DOCK3: variants seen among roughly 807,000 people sequenced by gnomAD.
DOCK3 encodes the protein dedicator of cytokinesis protein 3.
In DOCK3, 60 loss-of-function variants were observed where a neutral mutation model predicts 265.6. The ratio of observed to expected loss-of-function variants is 0.23; its 90% confidence interval spans 0.18 to 0.28. DOCK3 has a LOEUF of 0.28. DOCK3 is among the 10% of genes least tolerant of loss of function. DOCK3 has a pLI of 1.00. For synonymous variants in DOCK3, 881 were observed against 938.0 expected (o/e 0.94, Z 1.11); for missense variants, 1,981 against 2,594.3 (o/e 0.76, Z 5.14).
chr3:51,379,382 C>T, intron 51 of DOCK3: 1 of 984,112 alleles, frequency 1.0e-6, no homozygotes, highest in Non-Finnish European at 1.2e-6. Flanking sequence ...AAGCCACAAG[C>T]TGTACTTCTC....
At chr3:51,115,941 A>G (rs906376021) in intron 9 of DOCK3, among the ~76,000 whole-genome samples, 4 of 152,104 alleles carry the variant, frequency 2.6e-5, no homozygotes, top group African/African-American at 9.7e-5. Flanking sequence ...TTTGTCAAAG[A>G]TCAGATGGTT....
chr3:50,787,665 T>C, intron 2 of DOCK3: 1 of 1,315,276 alleles, frequency 7.6e-7, no homozygotes, highest in Non-Finnish European at 1.1e-6. Context: ...CTCTTGTAGT[T>C]CTGGGAGTAG....
chr3:51,190,451 G>T (rs996037180), intron 12 of DOCK3, among the ~76,000 whole-genome samples: 17 of 152,122 alleles, frequency 1.1e-4, no homozygotes, highest in Admixed American at 2.6e-4. Flanking sequence ...TTTCTCAGAT[G>T]CCAGTTATAG....
chr3:51,324,312 C>T (rs1172379218), intron 32 of DOCK3, among the ~76,000 whole-genome samples: 2 of 152,166 alleles, frequency 1.3e-5, no homozygotes. Context: ...GAGTGAACTC[C>T]CATTCACAAT....
At chr3:51,113,071 C>G (rs1256855180) in intron 9 of DOCK3, among the ~76,000 whole-genome samples, 1 of 151,884 alleles carries the variant, frequency 6.6e-6, no homozygotes, top group Admixed American at 6.6e-5. Flanking sequence ...CATTGTATGC[C>G]CACCATATAT....
At chr3:51,257,408 C>G (rs188208213) in intron 22 of DOCK3, among the ~76,000 whole-genome samples, 17 of 152,306 alleles carry the variant, frequency 1.1e-4, no homozygotes, top group African/African-American at 4.1e-4. Context: ...AACCTTATCT[C>G]CTTTTACCTT....
chr3:51,086,372 A>C (rs1336636204), intron 7 of DOCK3, among the ~76,000 whole-genome samples: 2 of 152,240 alleles, frequency 1.3e-5, no homozygotes, highest in Non-Finnish European at 2.9e-5. Flanking sequence ...CATCATGAAC[A>C]TGTCGCAGTG....
chr3:51,075,292 C>A, intron 6 of DOCK3, 64 bp from the exon 7 acceptor site: 1 of 1,398,680 alleles, frequency 7.1e-7, no homozygotes, highest in Non-Finnish European at 9.8e-7. Context: ...GGTTCCCAGG[C>A]ACATAAAGAG....
chr3:51,039,037 C>T (rs1393644466), intron 5 of DOCK3, among the ~76,000 whole-genome samples: 1 of 151,604 alleles, frequency 6.6e-6, no homozygotes, highest in Non-Finnish European at 1.5e-5. Context: ...GCTCTGTTTC[C>T]CAGACTGGAA....
chr3:51,111,746 A>G (rs969705497), intron 9 of DOCK3, among the ~76,000 whole-genome samples: 1 of 152,226 alleles, frequency 6.6e-6, no homozygotes. Flanking sequence ...CTGCATGGGA[A>G]AAGAAACTAT....
intron 2 of DOCK3, among the ~76,000 whole-genome samples, chr3:50,782,284 C>CTGT (rs2041952046): frequency 2.8e-5 from 2 of 70,838 alleles, no homozygotes; most frequent in African/African-American, 4.7e-5. Context: ...TCACCAGTAC[C>CTGT]TGTTATTTTT....
At chr3:50,946,614 C>G (rs1267451706) in intron 5 of DOCK3, among the ~76,000 whole-genome samples, 1 of 152,132 alleles carries the variant, frequency 6.6e-6, no homozygotes, top group Non-Finnish European at 1.5e-5. Context: ...TTCATCTTTC[C>G]TGACTCCCTT....
intron 5 of DOCK3, among the ~76,000 whole-genome samples, chr3:51,020,684 A>C (rs1396942999): frequency 6.6e-6 from 1 of 152,060 alleles, no homozygotes; most frequent in African/African-American, 2.4e-5. Flanking sequence ...AATTTTCTGC[A>C]TATGGCTAGC....
intron 27 of DOCK3, among the ~76,000 whole-genome samples, chr3:51,282,733 T>C (rs2081197816): frequency 6.6e-6 from 1 of 151,544 alleles, no homozygotes. Flanking sequence ...GATGCCTTAA[T>C]TGGTGAATTC....
At chr3:51,012,032 C>A (rs1237434631) in intron 5 of DOCK3, among the ~76,000 whole-genome samples, 8 of 152,152 alleles carry the variant, frequency 5.3e-5, no homozygotes, top group Non-Finnish European at 1.2e-4. Context: ...CAGTCTGCCC[C>A]TACTGGGGGG....
intron 12 of DOCK3, among the ~76,000 whole-genome samples, chr3:51,205,524 T>C (rs779769213): frequency 7.4e-5 from 11 of 147,774 alleles, no homozygotes; most frequent in East Asian, 3.9e-4. Flanking sequence ...TGAAACCTTA[T>C]CTCTACAAAA....
intron 5 of DOCK3, among the ~76,000 whole-genome samples, chr3:51,014,956 T>C (rs1416834688): frequency 6.6e-6 from 1 of 152,178 alleles, no homozygotes. Context: ...TGTTGACATA[T>C]AGGAATGCTA....
intron 4 of DOCK3, among the ~76,000 whole-genome samples, chr3:50,901,180 A>C (rs915066256): frequency 4.6e-5 from 7 of 151,742 alleles, no homozygotes; most frequent in African/African-American, 4.8e-5. Context: ...TGCCCAGAGG[A>C]GGAATCCTGT....
At chr3:50,902,121 C>T (rs1173192271) in intron 4 of DOCK3, among the ~76,000 whole-genome samples, 1 of 151,986 alleles carries the variant, frequency 6.6e-6, no homozygotes, top group African/African-American at 2.4e-5. Context: ...GATTCTGTCT[C>T]CCATTCTGTA....
Sources: gnomAD v4.1 joint callset for allele counts (sites outside exome capture counted in the v4.1 genomes callset) on GRCh38, gnomAD v4.1.1 for gene constraint, MANE v1.5 for transcripts, NCBI Gene and HGNC (gene_info 2026-07-23, HGNC 2026-07-21) for gene names.